The following SHANK2 variants were observed in gnomAD, a reference collection of about 807,000 sequenced individuals.
SHANK2 encodes the protein SH3 and multiple ankyrin repeat domains 2, also known as SH3 and multiple ankyrin repeat domains protein 2.
Under a neutral mutation model 133.7 loss-of-function variants are expected in SHANK2, and 43 were observed. The ratio of observed to expected loss-of-function variants is 0.32; its 90% CI spans 0.25 to 0.41. The LOEUF (loss-of-function observed/expected upper bound fraction) is 0.41. Ranked by LOEUF, SHANK2 falls within the 10% of genes least tolerant of loss-of-function variation. The pLI is 1.00. For synonymous variants in SHANK2, 1,017 were observed against 952.8 expected (o/e 1.07, Z -1.24); for missense variants, 1,994 against 2,235.8 (o/e 0.89, Z 2.18).
chr11:71,199,602 T>C (rs1441242690), intron 2 of SHANK2, among the ~76,000 whole-genome samples: 1 of 152,246 alleles, frequency 6.6e-6, no homozygotes, highest in African/African-American at 2.4e-5. Context: ...GCAAAGCAGC[T>C]GCAGCCTCGA....
At chr11:70,924,003 G>A (rs929663352) in intron 10 of SHANK2, among the ~76,000 whole-genome samples, 3 of 152,196 alleles carry the variant, frequency 2.0e-5, no homozygotes, top group Non-Finnish European at 2.9e-5. Flanking sequence ...AGTGAGCCCC[G>A]TGTCTGCTCA....
At chr11:71,067,794 CACT>C (rs1951086145) in intron 9 of SHANK2, among the ~76,000 whole-genome samples, 2 of 152,066 alleles carry the variant, frequency 1.3e-5, no homozygotes, top group African/African-American at 4.8e-5. Context: ...CCACCACCAC[CACT>C]ACCACTATGA....
chr11:70,522,284 A>G (rs2059339885), intron 17 of SHANK2, among the ~76,000 whole-genome samples: 1 of 152,208 alleles, frequency 6.6e-6, no homozygotes, highest in Admixed American at 6.5e-5. Flanking sequence ...GGCTGAATGC[A>G]CGGCTTAACC....
chr11:70,807,111 G>A lies in SHANK2; in HGVS notation c.1554C>T (p.Pro518=). 1 of 717,604 alleles carries A rather than the reference G, an allele frequency of 1.4e-6. No individual in the cohort carries two copies. The highest frequency in any genetic ancestry group is 2.6e-6 in the Non-Finnish European group (1 of 384,884). 44.5% of individuals were successfully genotyped at this position (717,604 alleles called of 1,614,324 possible). A position where few individuals can be genotyped will look rare whatever the true frequency, so the allele number is the denominator to read the frequency against. Residue 518 remains proline (P), a synonymous_variant, in exon 13 of 26, where the codon CCC becomes CCT. Coordinates refer to ENST00000601538, the MANE Select transcript of SHANK2 (RefSeq NM_012309.5). This position sits in a 1 kb window ranked among gnomAD's most constrained non-coding sequence, Gnocchi z 4.8. ...DSLSAFEYPG[P]KRKLYSAVPG... ...GCACGGCACTGTAGAGCTTCCGCTT[G>A]GGCCCCGGGTACTCGAAGGCCGAGA...
chr11:70,899,413 C>T (rs987243136), intron 10 of SHANK2, among the ~76,000 whole-genome samples: 16 of 152,144 alleles, frequency 1.1e-4, no homozygotes, highest in East Asian at 7.7e-4. Context: ...AACTGTGTAT[C>T]GATTAAACCT....
At chr11:70,619,122 C>T (rs1317337664) in intron 17 of SHANK2, among the ~76,000 whole-genome samples, 1 of 152,252 alleles carries the variant, frequency 6.6e-6, no homozygotes, top group Non-Finnish European at 1.5e-5. Flanking sequence ...ACTCTAAGGA[C>T]TTCCTGAGGG....
intron 14 of SHANK2, among the ~76,000 whole-genome samples, chr11:70,699,768 C>T (rs1200521086): frequency 6.6e-6 from 1 of 152,210 alleles, no homozygotes; most frequent in East Asian, 1.9e-4. Flanking sequence ...GAACCCTTTC[C>T]CTTTTCCAGC....
intron 11 of SHANK2, among the ~76,000 whole-genome samples, chr11:70,893,838 T>C (rs1949890820): frequency 6.6e-6 from 1 of 152,176 alleles, no homozygotes. Context: ...CTGGGGATTT[T>C]ACAAACATAC....
intron 10 of SHANK2, among the ~76,000 whole-genome samples, chr11:70,924,095 C>T (rs1340041094): frequency 6.6e-6 from 1 of 152,156 alleles, no homozygotes; most frequent in African/African-American, 2.4e-5. Context: ...AAAGCCTTGC[C>T]GGGCCCTAGG....
intron 14 of SHANK2, among the ~76,000 whole-genome samples, chr11:70,755,628 C>A (rs1373142155): frequency 6.6e-6 from 1 of 152,206 alleles, no homozygotes; most frequent in Non-Finnish European, 1.5e-5. Context: ...GTTCTCCTGG[C>A]AACCGGCCTT....
intron 17 of SHANK2, among the ~76,000 whole-genome samples, chr11:70,625,317 A>G (rs913816177): frequency 1.3e-5 from 2 of 152,118 alleles, no homozygotes; most frequent in African/African-American, 4.8e-5. Context: ...TCTGTCACAC[A>G]CTGCCTTGGT....
chr11:70,874,458 T>A (rs1166500260), intron 11 of SHANK2, among the ~76,000 whole-genome samples: 1 of 152,144 alleles, frequency 6.6e-6, no homozygotes, highest in Non-Finnish European at 1.5e-5. Flanking sequence ...CCCTCCTGCC[T>A]CAGCCTCCTG....
At chr11:70,773,691 AT>A (rs1377592547) in intron 14 of SHANK2, among the ~76,000 whole-genome samples, 2 of 152,242 alleles carry the variant, frequency 1.3e-5, no homozygotes, top group Non-Finnish European at 2.9e-5. Context: ...TCCAAAGAAG[AT>A]GCACAAATAA....
chr11:70,840,031 A>T (rs1948878704), intron 11 of SHANK2, among the ~76,000 whole-genome samples: 1 of 152,220 alleles, frequency 6.6e-6, no homozygotes, highest in Non-Finnish European at 1.5e-5. Context: ...GCCAGCAGCT[A>T]TGCAGCCCTG....
intron 14 of SHANK2, among the ~76,000 whole-genome samples, chr11:70,707,883 GC>G (rs1555025304): frequency 1.3e-5 from 2 of 152,076 alleles, no homozygotes; most frequent in Non-Finnish European, 2.9e-5. Context: ...CTCACCCCAC[GC>G]CCCAGTTACA....
At chr11:70,544,170 G>A (rs1306863411) in intron 17 of SHANK2, among the ~76,000 whole-genome samples, 1 of 152,156 alleles carries the variant, frequency 6.6e-6, no homozygotes, top group African/African-American at 2.4e-5. Context: ...CCCTGGGGAT[G>A]ACAGGCCCAG....
chr11:70,667,059 G>A (rs1944691986), intron 15 of SHANK2, among the ~76,000 whole-genome samples: 2 of 152,028 alleles, frequency 1.3e-5, no homozygotes, highest in Non-Finnish European at 1.5e-5. Context: ...AACTATGGAG[G>A]AAACCATTGC....
chr11:70,692,444 T>G (rs1945309360), intron 15 of SHANK2, among the ~76,000 whole-genome samples: 1 of 152,170 alleles, frequency 6.6e-6, no homozygotes, highest in Non-Finnish European at 1.5e-5. Flanking sequence ...AACTGAAGAC[T>G]CAGGGAGGGG....
intron 15 of SHANK2, among the ~76,000 whole-genome samples, chr11:70,663,222 G>A (rs1396154876): frequency 6.6e-6 from 1 of 152,218 alleles, no homozygotes; most frequent in African/African-American, 2.4e-5. Flanking sequence ...TCCCAGAGGA[G>A]TGCGGGTCAG....
Sources: allele counts gnomAD v4.1 joint callset (sites outside exome capture counted in the v4.1 genomes callset), GRCh38; gene constraint gnomAD v4.1.1; non-coding constraint Gnocchi (gnomAD v3.1); transcripts MANE v1.5; gene names NCBI Gene and HGNC (gene_info 2026-07-23, HGNC 2026-07-21).